VWC2L: variants seen among roughly 807,000 people sequenced by gnomAD.
The protein encoded by VWC2L is von Willebrand factor C domain-containing protein 2-like.
VWC2L carries 10 observed loss-of-function variants against 21.6 expected under a neutral mutation model. The ratio of observed to expected loss-of-function variants is 0.46; its 90% CI spans 0.29 to 0.78. VWC2L has a LOEUF of 0.78. VWC2L is among the 30% of genes least tolerant of loss of function. The pLI is 0.10. For synonymous variants in VWC2L, 96 were observed against 94.3 expected (o/e 1.02, Z -0.10); for missense variants, 209 against 277.1 (o/e 0.75, Z 1.74).
chr2:214,497,282 T>C (rs1688826037), intron 3 of VWC2L, among the ~76,000 whole-genome samples: 1 of 152,158 alleles, frequency 6.6e-6, no homozygotes, highest in Admixed American at 6.6e-5. Context: ...TGAGTGTAGA[T>C]GGTGGTGTTG....
rs1157052436 is a variant in VWC2L at position 214,531,481 on chromosome 2, G to C, written c.521-44191G>C. On this transcript the variant is annotated intron_variant, in intron 3 of 3. Transcript: ENST00000312504. ...ACGTGAAAACAAAAGGAGCAATTTT[G>C]CATTTTCTCTGTATTAGAATATTAG... Among the ~76,000 whole-genome samples the C allele has an allele frequency of 3.3e-5, 5 of 152,114 alleles. No homozygotes were observed. The East Asian group carries it at 9.6e-4, about 29-fold the overall frequency.
chr2:214,417,664 G>A (rs1396582298), intron 2 of VWC2L, among the ~76,000 whole-genome samples: 1 of 152,092 alleles, frequency 6.6e-6, no homozygotes, highest in Non-Finnish European at 1.5e-5. Flanking sequence ...CCTAGTAAGA[G>A]GCAAATTCAG....
At chr2:214,471,184 C>T (rs879494493) in intron 3 of VWC2L, among the ~76,000 whole-genome samples, 2 of 152,130 alleles carry the variant, frequency 1.3e-5, no homozygotes, top group Non-Finnish European at 2.9e-5. Flanking sequence ...AGCTGCATTA[C>T]ATTCCTGGAG....
At chr2:214,482,068 A>C (rs1046632344) in intron 3 of VWC2L, among the ~76,000 whole-genome samples, 1 of 152,174 alleles carries the variant, frequency 6.6e-6, no homozygotes, top group Non-Finnish European at 1.5e-5. Flanking sequence ...TGGGATACTG[A>C]TGATTGAAAC....
intron 3 of VWC2L, among the ~76,000 whole-genome samples, chr2:214,571,477 C>A (rs1690148295): frequency 6.6e-6 from 1 of 152,156 alleles, no homozygotes; most frequent in Admixed American, 6.6e-5. Context: ...ATCAAATACT[C>A]CTATATATTT....
intron 3 of VWC2L, among the ~76,000 whole-genome samples, chr2:214,555,101 C>G (rs1689854674): frequency 6.6e-6 from 1 of 152,208 alleles, no homozygotes; most frequent in South Asian, 2.1e-4. Flanking sequence ...AGCCCCGCCC[C>G]CATCTTAACT....
chr2:214,575,601 G>T, intron 3 of VWC2L, 71 bp from the exon 4 acceptor site: 1 of 1,555,670 alleles, frequency 6.4e-7, no homozygotes, highest in African/African-American at 1.4e-5. Context: ...TTTGGGGCTT[G>T]GGTTTGGATG....
intron 2 of VWC2L, among the ~76,000 whole-genome samples, chr2:214,432,342 G>T (rs1298481695): frequency 6.6e-6 from 1 of 152,166 alleles, no homozygotes; most frequent in Admixed American, 6.5e-5. Flanking sequence ...AAAGAAATCA[G>T]TAAGATAGTT....
chr2:214,565,785 T>A (rs1446237161), intron 3 of VWC2L, among the ~76,000 whole-genome samples: 4 of 152,194 alleles, frequency 2.6e-5, no homozygotes, highest in Non-Finnish European at 4.4e-5. Flanking sequence ...TCTAAGTGCT[T>A]TGCATATGTG....
intron 3 of VWC2L, among the ~76,000 whole-genome samples, chr2:214,553,824 G>C (rs892483177): frequency 1.3e-5 from 2 of 152,164 alleles, no homozygotes; most frequent in Non-Finnish European, 1.5e-5. Context: ...AGGTCCATCA[G>C]TTGGCTGAGA....
At chr2:214,494,699 G>A (rs866128678) in intron 3 of VWC2L, among the ~76,000 whole-genome samples, 20 of 152,114 alleles carry the variant, frequency 1.3e-4, no homozygotes, top group African/African-American at 4.6e-4. Context: ...AGCAGGTGTT[G>A]CCTACCTCAA....
chr2:214,493,981 T>C (rs1222716797), intron 3 of VWC2L, among the ~76,000 whole-genome samples: 1 of 152,176 alleles, frequency 6.6e-6, no homozygotes, highest in Non-Finnish European at 1.5e-5. Context: ...TGAATCAGTG[T>C]AGTACACCAG....
At chr2:214,412,447 A>C (rs546107568) in intron 1 of VWC2L, among the ~76,000 whole-genome samples, 17 of 152,218 alleles carry the variant, frequency 1.1e-4, no homozygotes, top group African/African-American at 3.8e-4. Flanking sequence ...TATGTTTGTT[A>C]TCTCTGTAGT....
At chr2:214,554,145 T>G (rs531398750) in intron 3 of VWC2L, among the ~76,000 whole-genome samples, 41 of 152,288 alleles carry the variant, frequency 2.7e-4, no homozygotes, top group African/African-American at 9.6e-4. Context: ...CCACTCAGTC[T>G]TTATATCCTC....
intron 3 of VWC2L, among the ~76,000 whole-genome samples, chr2:214,471,213 GA>G (rs2126192920): frequency 6.6e-6 from 1 of 152,180 alleles, no homozygotes; most frequent in East Asian, 1.9e-4. Context: ...AGAAAACTTC[GA>G]AGCCCAACTC....
intron 3 of VWC2L, among the ~76,000 whole-genome samples, chr2:214,493,765 T>C (rs1688775498): frequency 6.6e-6 from 1 of 152,132 alleles, no homozygotes; most frequent in South Asian, 2.1e-4. Context: ...GCAGAGTGTG[T>C]GGAGAGTCAC....
intron 3 of VWC2L, among the ~76,000 whole-genome samples, chr2:214,573,240 C>T (rs1690178443): frequency 1.3e-5 from 2 of 152,064 alleles, no homozygotes; most frequent in Admixed American, 6.6e-5. Flanking sequence ...TACACATACA[C>T]ATACACACAC....
At chr2:214,439,930 G>A (rs1225161984) in intron 3 of VWC2L, among the ~76,000 whole-genome samples, 2 of 151,728 alleles carry the variant, frequency 1.3e-5, no homozygotes, top group Admixed American at 1.3e-4. Flanking sequence ...ATAAAGTGCA[G>A]GGTAATCTAC....
rs529014812 is a variant in VWC2L at position 214,451,914 on chromosome 2, C to T, written c.520+15156C>T. 2.2e-3 allele frequency among the ~76,000 whole-genome samples: 329 copies of T among 152,144 alleles called. 2 individuals are homozygous for T. The highest frequency in any genetic ancestry group is 7.6e-3 in the African/African-American group (314 of 41,528). On this transcript the variant is annotated intron_variant, in intron 3 of 3. Transcript: ENST00000312504. ...TGAACTGTACATTTTTAAAATATTTCCTGTTCTGACATGTATACCTGTGAA... is the reference window on the plus strand; with the variant it reads ...TGAACTGTACATTTTTAAAATATTTTCTGTTCTGACATGTATACCTGTGAA...
Sources: allele counts gnomAD v4.1 joint callset (sites outside exome capture counted in the v4.1 genomes callset), GRCh38; gene constraint gnomAD v4.1.1; transcripts MANE v1.5; gene names NCBI Gene and HGNC (gene_info 2026-07-23, HGNC 2026-07-21).